The following CERKL variants were observed in gnomAD, a reference collection of about 807,000 sequenced individuals.
CERKL encodes ceramide kinase-like protein.
In CERKL, 61 loss-of-function variants were observed where a neutral mutation model predicts 63.4. That is an observed-to-expected ratio of 0.96 (90% CI 0.78 to 1.19). The LOEUF (loss-of-function observed/expected upper bound fraction) is 1.19. Ranked by LOEUF, CERKL falls within the 50% of genes most tolerant of loss-of-function variation. CERKL has a pLI of 0.00. For synonymous variants in CERKL, 250 were observed against 230.5 expected (o/e 1.08, Z -0.77); for missense variants, 675 against 655.5 (o/e 1.03, Z -0.33).
chr2:181,601,732 T>C (rs1685466571), intron 2 of CERKL, among the ~76,000 whole-genome samples: 1 of 152,194 alleles, frequency 6.6e-6, no homozygotes, highest in African/African-American at 2.4e-5. Context: ...TGAGTCCACT[T>C]TGGTGCAGAG....
At chr2:181,541,920 A>T (rs2105792295) in intron 11 of CERKL, among the ~76,000 whole-genome samples, 1 of 152,314 alleles carries the variant, frequency 6.6e-6, no homozygotes, top group South Asian at 2.1e-4. Flanking sequence ...ATGCCGGTGA[A>T]TTTCAGAACC....
intron 4 of CERKL, among the ~76,000 whole-genome samples, chr2:181,561,949 G>C (rs2105826096): frequency 6.6e-6 from 1 of 152,236 alleles, no homozygotes; most frequent in East Asian, 1.9e-4. Context: ...AAGTAGCTGA[G>C]ACTACAGGCA....
chr2:181,544,687 G>T lies in CERKL; in HGVS notation c.1365+13C>A, dbSNP rs1171932436. ...TAGCTTTGCAAATAAGTAACAAAAA[G>T]AATTTACTATACCTGATTTTTTACA... On this transcript the variant is annotated intron_variant, in intron 11 of 12. Coordinates refer to ENST00000410087, the MANE Select transcript of CERKL (RefSeq NM_201548.5). 1.3e-6 allele frequency: 2 copies of T among 1,494,264 alleles called. No individual in the cohort carries two copies. Among genetic ancestry groups the T allele is most frequent in the East Asian group, 2.3e-5 (1 of 43,978 alleles). 92.6% of individuals were successfully genotyped at this position (1,494,264 alleles called of 1,614,324 possible). A position where few individuals can be genotyped will look rare whatever the true frequency, so the allele number is the denominator to read the frequency against.
intron 2 of CERKL, among the ~76,000 whole-genome samples, chr2:181,593,666 C>T (rs2105879628): frequency 6.6e-6 from 1 of 151,896 alleles, no homozygotes; most frequent in Admixed American, 6.6e-5. Flanking sequence ...TCTCTTTTGC[C>T]AATATAAAGG....
rs1200379079 is a variant in CERKL, at chr2:181,537,314, T to TGAA, written c.*867_*869dup. On this transcript the variant is annotated 3_prime_UTR_variant, in exon 13 of 13. Coordinates refer to ENST00000410087, the MANE Select transcript of CERKL (RefSeq NM_201548.5). ...TATATTTCAGGTTATCTGAGCACAGTGAAAGCAGAGTACTATGGTTGTCCA... is the reference window on the plus strand; with the variant it reads ...TATATTTCAGGTTATCTGAGCACAGTGAAGAAAGCAGAGTACTATGGTTGTCCA... The TGAA allele has an allele frequency of 6.6e-6, 3 of 453,568 alleles. No individual in the cohort carries two copies. The highest frequency in any genetic ancestry group is 1.3e-5 in the Non-Finnish European group (3 of 226,412). 28.1% of individuals were successfully genotyped at this position (453,568 alleles called of 1,614,324 possible). A position where few individuals can be genotyped will look rare whatever the true frequency, so the allele number is the denominator to read the frequency against.
In CERKL at chr2:181,645,877, C is replaced by T. The variant is rs372537595; in HGVS notation, c.238+10892G>A. Among the ~76,000 whole-genome samples, 92 of 152,148 alleles carry T rather than the reference C, an allele frequency of 6.0e-4. 1 individual carries two copies. The South Asian group carries it at 0.017, about 29-fold the overall frequency. ...CACTAATATAACAGACAAATCCTTG[C>T]CATCTTGAAGTGGGGTGGTAATAGA... On this transcript the variant is annotated intron_variant, in intron 1 of 12. Transcript: ENST00000410087.
At chr2:181,578,292 A>C (rs1336047003) in intron 2 of CERKL, among the ~76,000 whole-genome samples, 2 of 151,898 alleles carry the variant, frequency 1.3e-5, no homozygotes, top group Non-Finnish European at 2.9e-5. Context: ...ACAGAGAAAG[A>C]GAGAGAGAGA....
chr2:181,641,380 G>T (rs1445695236), intron 1 of CERKL, among the ~76,000 whole-genome samples: 2 of 133,702 alleles, frequency 1.5e-5, no homozygotes, highest in South Asian at 4.7e-4. Flanking sequence ...CCTGAGATGG[G>T]GTCTTGCTAT....
intron 1 of CERKL, among the ~76,000 whole-genome samples, chr2:181,656,504 G>C (rs1278906419): frequency 6.6e-6 from 1 of 152,068 alleles, no homozygotes; most frequent in Non-Finnish European, 1.5e-5. Context: ...ACGTTTGCCC[G>C]GGGAAGGTCT....
intron 2 of CERKL, among the ~76,000 whole-genome samples, chr2:181,574,432 G>T (rs1008889706): frequency 1.3e-5 from 2 of 152,146 alleles, no homozygotes; most frequent in African/African-American, 2.4e-5. Context: ...TAAAAAGAGG[G>T]TTTCGGTCAG....
chr2:181,655,827 G>C (rs1688128743), intron 1 of CERKL, among the ~76,000 whole-genome samples: 1 of 152,176 alleles, frequency 6.6e-6, no homozygotes, highest in Non-Finnish European at 1.5e-5. Flanking sequence ...CTCGCAAGTA[G>C]AGTAACCTTG....
At chr2:181,580,409 CT>C (rs1367488351) in intron 2 of CERKL, among the ~76,000 whole-genome samples, 1 of 149,934 alleles carries the variant, frequency 6.7e-6, no homozygotes, top group African/African-American at 2.5e-5. Flanking sequence ...TAGGCCTTCC[CT>C]TTATTCACTT....
intron 10 of CERKL, among the ~76,000 whole-genome samples, chr2:181,546,089 G>A (rs923626800): frequency 6.6e-6 from 1 of 152,076 alleles, no homozygotes; most frequent in Non-Finnish European, 1.5e-5. Context: ...GGTCAAATGA[G>A]TCTTGATCAA....
intron 11 of CERKL, among the ~76,000 whole-genome samples, chr2:181,542,412 A>C (rs1356764176): frequency 6.6e-6 from 1 of 152,210 alleles, no homozygotes; most frequent in Non-Finnish European, 1.5e-5. Flanking sequence ...ACTGCTATGA[A>C]TTATGCAGTA....
At chr2:181,632,723 C>T (rs1366197164) in intron 1 of CERKL, among the ~76,000 whole-genome samples, 4 of 152,128 alleles carry the variant, frequency 2.6e-5, no homozygotes, top group South Asian at 2.1e-4. Flanking sequence ...TACCTGAAGG[C>T]GCTTTTCCAT....
intron 1 of CERKL, among the ~76,000 whole-genome samples, chr2:181,613,179 CTT>C (rs1393120568): frequency 6.6e-6 from 1 of 152,140 alleles, no homozygotes; most frequent in Non-Finnish European, 1.5e-5. Flanking sequence ...TCCCCCAGCT[CTT>C]GACAACCGCA....
intron 1 of CERKL, among the ~76,000 whole-genome samples, chr2:181,643,971 A>C (rs906086470): frequency 9.2e-5 from 14 of 152,254 alleles, no homozygotes; most frequent in South Asian, 2.1e-4. Context: ...ACCCCTTGTT[A>C]AACAGATGTC....
chr2:181,607,631 T>C (rs1184905061), intron 1 of CERKL, among the ~76,000 whole-genome samples: 1 of 152,194 alleles, frequency 6.6e-6, no homozygotes, highest in Non-Finnish European at 1.5e-5. Context: ...GGTCAGCATA[T>C]TACCAGTCAT....
chr2:181,636,497 C>A (rs1332445272), intron 1 of CERKL, among the ~76,000 whole-genome samples: 1 of 151,990 alleles, frequency 6.6e-6, no homozygotes, highest in East Asian at 1.9e-4. Flanking sequence ...CTTGATCTCA[C>A]CTAATGCCCA....
Sources: gnomAD v4.1 joint callset for allele counts (sites outside exome capture counted in the v4.1 genomes callset) on GRCh38, gnomAD v4.1.1 for gene constraint, MANE v1.5 for transcripts, NCBI Gene and HGNC (gene_info 2026-07-23, HGNC 2026-07-21) for gene names.